SETD7: variants seen among roughly 807,000 people sequenced by gnomAD.
SETD7 encodes histone-lysine N-methyltransferase SETD7.
A neutral mutation model predicts 41.8 loss-of-function variants in SETD7; 16 were observed. The observed-to-expected ratio is 0.38, with a 90% CI of 0.26 to 0.58. The LOEUF (loss-of-function observed/expected upper bound fraction) is 0.58. Ranked by LOEUF, SETD7 falls within the 20% of genes least tolerant of loss-of-function variation. The pLI is 0.64. For synonymous variants in SETD7, 163 were observed against 169.7 expected (o/e 0.96, Z 0.31); for missense variants, 346 against 459.7 (o/e 0.75, Z 2.26).
chr4:139,514,759 G>A (rs1042314713), intron 7 of SETD7, among the ~76,000 whole-genome samples: 1 of 152,226 alleles, frequency 6.6e-6, no homozygotes. Context: ...AAGTGGCTTA[G>A]CCTCTTGTCT....
downstream of SETD7, chr4:139,495,824 G>C (rs1417733800): frequency 6.6e-6 from 1 of 152,390 alleles, no homozygotes; most frequent in Non-Finnish European, 1.5e-5. Context: ...ATAGGGATTA[G>C]TTGCCAGTGG....
Position 139,511,645 on chromosome 4 carries a change from AC to A in SETD7, c.*17del. ...CCAAGTTTCTATTCCAGGTCTCTGA[AC>A]CCCAAAGCCAGGCCTTTCACTTTTG... is the stretch of plus-strand genomic sequence containing the variant. On this transcript the variant is annotated 3_prime_UTR_variant, in exon 8 of 8. Coordinates refer to ENST00000274031, the MANE Select transcript of SETD7 (RefSeq NM_030648.4). 6.2e-7 allele frequency: 1 copy of A among 1,613,396 alleles called. No homozygotes were observed. The highest frequency in any genetic ancestry group is 8.5e-7 in the Non-Finnish European group (1 of 1,179,856).
chr4:139,553,077 G>A (rs938102784), intron 1 of SETD7, among the ~76,000 whole-genome samples: 1 of 152,164 alleles, frequency 6.6e-6, no homozygotes, highest in Non-Finnish European at 1.5e-5. Flanking sequence ...CCCAGGGCTT[G>A]CTGCCTTCTT....
At chr4:139,528,947 G>T in intron 4 of SETD7, 84 bp downstream of exon 4, 2 of 1,188,082 alleles carry the variant, frequency 1.7e-6, no homozygotes, top group Non-Finnish European at 2.5e-6. Context: ...ATACAGAGAG[G>T]AAAAGAAAAG....
At chr4:139,523,590 C>G (rs1727240042) in intron 4 of SETD7, among the ~76,000 whole-genome samples, 155 bp from the exon 5 acceptor site, 1 of 152,220 alleles carries the variant, frequency 6.6e-6, no homozygotes, top group African/African-American at 2.4e-5. Flanking sequence ...TAAATGGATA[C>G]ATTTTAGATT....
At position 139,533,385 on chromosome 4, in the gene SETD7, C is replaced by A. The variant is rs201027677; in HGVS notation, c.171-19G>T. On this transcript the variant is annotated intron_variant, in intron 2 of 7. Coordinates refer to ENST00000274031, the MANE Select transcript of SETD7 (RefSeq NM_030648.4). Reference sequence around the variant, plus strand: ...CAGGGTGCTGTGAGGAAAGGAAAAACAAAAAGGAATAGTCAGACCATGACT... The same window carrying A: ...CAGGGTGCTGTGAGGAAAGGAAAAAAAAAAAGGAATAGTCAGACCATGACT... The A allele has an allele frequency of 3.0e-5, 48 of 1,597,804 alleles. No homozygotes were observed. Among genetic ancestry groups the A allele is most frequent in the Admixed American group, 1.7e-4 (10 of 57,242 alleles).
At chr4:139,514,797 T>C (rs553721247) in intron 7 of SETD7, among the ~76,000 whole-genome samples, 18 of 150,518 alleles carry the variant, frequency 1.2e-4, no homozygotes, top group African/African-American at 2.3e-4. Context: ...GCAGCTCTTA[T>C]CTATTTGTCC....
chr4:139,496,180 TC>T (rs1726450590), exon 8 of SETD7: 1 of 478,472 alleles, frequency 2.1e-6, no homozygotes, highest in Non-Finnish European at 3.7e-6. Flanking sequence ...AGGGTCTTTT[TC>T]CCCCCTCTGG....
chr4:139,509,948 G>T lies in SETD7; in HGVS notation c.*1715C>A. The T allele has an allele frequency of 1.1e-6, 1 of 941,654 alleles. No individual in the cohort carries two copies. Among genetic ancestry groups the T allele is most frequent in the Non-Finnish European group, 1.3e-6 (1 of 790,100 alleles). The allele number at this position is 941,654 out of a possible 1,614,324, so 58.3% of individuals were successfully genotyped here. On this transcript the variant is annotated 3_prime_UTR_variant, in exon 8 of 8. Transcript: ENST00000274031. The stretch of plus-strand genomic sequence containing the variant: ...CTAGCTGCAAAGCATGCAACCGGGT[G>T]CTCTAGGAAGCCTGGTGTTGCAAAG...
At chr4:139,512,558 C>T (rs561759140) in intron 7 of SETD7, among the ~76,000 whole-genome samples, 3 of 152,154 alleles carry the variant, frequency 2.0e-5, no homozygotes, top group South Asian at 2.1e-4. Context: ...GTTCATTTGC[C>T]GAAGGCTCCC....
chr4:139,552,343 T>G (rs1424060737), intron 1 of SETD7, among the ~76,000 whole-genome samples: 1 of 152,154 alleles, frequency 6.6e-6, no homozygotes, highest in Non-Finnish European at 1.5e-5. Context: ...TTCTGATATT[T>G]CCCCTTTTTG....
intron 3 of SETD7, among the ~76,000 whole-genome samples, chr4:139,532,197 T>C (rs955276538): frequency 2.0e-5 from 3 of 152,218 alleles, no homozygotes; most frequent in Non-Finnish European, 2.9e-5. Context: ...ATTTCAGCAT[T>C]TCAGGAGGCC....
chr4:139,496,172 G>A, exon 8 of SETD7: 1 of 472,742 alleles, frequency 2.1e-6, no homozygotes, highest in Non-Finnish European at 3.7e-6. Flanking sequence ...CTGGTTTGAG[G>A]GTCTTTTTCC....
rs1438768338 is a variant in SETD7 at position 139,511,840 on chromosome 4, A to G, written c.924T>C (p.Phe308=). ...TGATGGGCCCAAAACGGGGGTGGAC[A>G]AACCTAAACATCAAGATGCACACAG... ...SFTPNCIYDM[F]VHPRFGPIKC... is the part of the protein sequence containing the mutation. The change falls in exon 8 of 8, where the codon TTT becomes TTC. Residue 308 remains phenylalanine (F), a synonymous_variant. Coordinates refer to ENST00000274031, the MANE Select transcript of SETD7 (RefSeq NM_030648.4). 1 of 1,610,690 alleles carries G rather than the reference A, an allele frequency of 6.2e-7. No individual in the cohort carries two copies. The highest frequency in any genetic ancestry group is 8.5e-7 in the Non-Finnish European group (1 of 1,178,436).
At chr4:139,501,866 G>C (rs139503600), downstream of SETD7, among the ~76,000 whole-genome samples, 1 of 152,202 alleles carries the variant, frequency 6.6e-6, no homozygotes, top group Non-Finnish European at 1.5e-5. Context: ...GTCAGGCCAG[G>C]CTTCCTGGGG....
At chr4:139,531,142 C>T (rs1376000067) in intron 3 of SETD7, among the ~76,000 whole-genome samples, 1 of 152,168 alleles carries the variant, frequency 6.6e-6, no homozygotes, top group Non-Finnish European at 1.5e-5. Flanking sequence ...TTCTGCTCAC[C>T]AATGCTCCTT....
At chr4:139,529,432 C>T (rs770033308) in intron 3 of SETD7, among the ~76,000 whole-genome samples, 4 of 152,144 alleles carry the variant, frequency 2.6e-5, no homozygotes, top group South Asian at 2.1e-4. Flanking sequence ...GAAAGTCATA[C>T]GCATTTGGGG....
Position 139,499,235 on chromosome 4 carries a change from A to G in SETD7, c.921-2714T>C, listed in dbSNP as rs188336186. 1.7e-3 allele frequency among the ~76,000 whole-genome samples: 264 copies of G among 152,344 alleles called. 1 individual carries two copies. The highest frequency in any genetic ancestry group is 2.9e-3 in the Non-Finnish European group (194 of 68,028). Reference sequence around the variant, plus strand: ...GTCCTCATTCTTGTGTGGAGGCCATAATAGTCCTTTCCTTGAACTGGTCCC... The same window carrying G: ...GTCCTCATTCTTGTGTGGAGGCCATGATAGTCCTTTCCTTGAACTGGTCCC... On this transcript the variant is annotated intron_variant, in intron 7 of 7. Transcript: ENST00000506866.
At chr4:139,536,954 G>A (rs1940997253) in intron 2 of SETD7, among the ~76,000 whole-genome samples, 1 of 152,210 alleles carries the variant, frequency 6.6e-6, no homozygotes, top group African/African-American at 2.4e-5. Flanking sequence ...AGCGAGCCGA[G>A]ATCGCACCAC....
Sources: allele counts gnomAD v4.1 joint callset (sites outside exome capture counted in the v4.1 genomes callset), GRCh38; gene constraint gnomAD v4.1.1; transcripts MANE v1.5; gene names NCBI Gene and HGNC (gene_info 2026-07-23, HGNC 2026-07-21).